SLCO1B1: variants seen among roughly 807,000 people sequenced by gnomAD.
SLCO1B1 encodes the protein solute carrier organic anion transporter family member 1B1.
SLCO1B1 carries 81 observed loss-of-function variants against 70.1 expected under a neutral mutation model. The observed-to-expected ratio is 1.16, with a 90% CI of 0.97 to 1.39. The LOEUF is 1.39. Among genes scored for constraint, SLCO1B1 ranks in the 40% most tolerant of loss-of-function variants. SLCO1B1 has a pLI of 0.00. For missense variants in SLCO1B1, 895 were observed against 799.6 expected (o/e 1.12, Z -1.44); for synonymous variants, 283 against 271.5 (o/e 1.04, Z -0.42).
At chr12:21,150,527 C>G (rs537459798) in intron 2 of SLCO1B1, among the ~76,000 whole-genome samples, 104 of 152,260 alleles carry the variant, frequency 6.8e-4, no homozygotes, top group African/African-American at 2.4e-3. Flanking sequence ...GTTCTGCAGC[C>G]ACTGCTGGTG....
chr12:21,162,868 C>G (rs1035393322), intron 2 of SLCO1B1, among the ~76,000 whole-genome samples: 2 of 152,048 alleles, frequency 1.3e-5, no homozygotes, highest in African/African-American at 4.8e-5. Context: ...CACATGATAA[C>G]AAGATTTATG....
intron 2 of SLCO1B1, among the ~76,000 whole-genome samples, chr12:21,157,891 T>C (rs750782507): frequency 1.8e-4 from 28 of 151,988 alleles, no homozygotes; most frequent in Non-Finnish European, 3.2e-4. Context: ...TGAGCCACCG[T>C]GCCCGGCCAA....
At position 21,239,123 on chromosome 12, in the gene SLCO1B1, A is replaced by G. The variant is rs768054107; in HGVS notation, c.2010A>G (p.Leu670=). The stretch of plus-strand genomic sequence containing the variant: ...GAAGTGTCATGGATGAAGCAAACTT[A>G]GAATCCTTAAATAAAAATAAACATT... ...ENGSVMDEAN[L]ESLNKNKHFV... is the part of the protein sequence containing the mutation. Residue 670 remains leucine (L), a synonymous_variant, in exon 15 of 15, where the codon TTA becomes TTG. Coordinates refer to ENST00000256958, the MANE Select transcript of SLCO1B1 (RefSeq NM_006446.5). 2 of 1,613,040 alleles carry G rather than the reference A, an allele frequency of 1.2e-6. No individual in the cohort carries two copies. Among genetic ancestry groups the G allele is most frequent in the Admixed American group, 1.7e-5 (1 of 59,986 alleles).
At chr12:21,205,371 C>A (rs1941203621) in intron 10 of SLCO1B1, among the ~76,000 whole-genome samples, 1 of 151,622 alleles carries the variant, frequency 6.6e-6, no homozygotes, top group African/African-American at 2.4e-5. Flanking sequence ...TGTAGAGGTT[C>A]TGCTTTAAGC....
intron 7 of SLCO1B1, among the ~76,000 whole-genome samples, chr12:21,182,538 G>A (rs1322046331): frequency 2.6e-5 from 4 of 152,054 alleles, no homozygotes; most frequent in Non-Finnish European, 2.9e-5. Context: ...CCTTCTGCCC[G>A]CCAGTCCCTC....
chr12:21,212,386 C>A (rs201172315), intron 11 of SLCO1B1, among the ~76,000 whole-genome samples: 15,277 of 113,160 alleles, frequency 0.14, 1,555 homozygotes, highest in African/African-American at 0.26. Context: ...GAGTGAGATT[C>A]TTAATCCTGA....
At chr12:21,227,756 G>GT (rs1189123292) in intron 14 of SLCO1B1, among the ~76,000 whole-genome samples, 5 of 151,940 alleles carry the variant, frequency 3.3e-5, no homozygotes, top group Non-Finnish European at 7.4e-5. Context: ...AAGTATTAAT[G>GT]TAACATTTTG....
At chr12:21,139,143 A>G (rs1024985650) in intron 1 of SLCO1B1, among the ~76,000 whole-genome samples, 7 of 152,236 alleles carry the variant, frequency 4.6e-5, no homozygotes, top group African/African-American at 1.4e-4. Context: ...CTAAAGGAAG[A>G]CTATCCACCT....
intron 12 of SLCO1B1, among the ~76,000 whole-genome samples, chr12:21,221,249 A>C (rs555359023): frequency 2.0e-4 from 31 of 152,306 alleles, no homozygotes; most frequent in African/African-American, 7.5e-4. Context: ...TGAGACCTGA[A>C]ACAAGACAAG....
intron 11 of SLCO1B1, among the ~76,000 whole-genome samples, chr12:21,207,290 T>C (rs1250809960): frequency 1.3e-5 from 2 of 151,948 alleles, no homozygotes; most frequent in East Asian, 1.9e-4. Context: ...TTGCTGTTTT[T>C]TATCTCTCCA....
At chr12:21,210,945 T>A (rs1941276223) in intron 11 of SLCO1B1, among the ~76,000 whole-genome samples, 1 of 152,212 alleles carries the variant, frequency 6.6e-6, no homozygotes, top group African/African-American at 2.4e-5. Context: ...GCTTATCAGT[T>A]TAAGGAGATT....
chr12:21,136,127 ATTCTT>A (rs1478222809), intron 1 of SLCO1B1, among the ~76,000 whole-genome samples: 1 of 152,138 alleles, frequency 6.6e-6, no homozygotes, highest in Non-Finnish European at 1.5e-5. Flanking sequence ...TGGGTTGAAA[ATTCTT>A]TTCTTTAAGA....
chr12:21,157,937 G>A (rs1591802755), intron 2 of SLCO1B1, among the ~76,000 whole-genome samples: 1 of 152,248 alleles, frequency 6.6e-6, no homozygotes, highest in East Asian at 1.9e-4. Flanking sequence ...CAGGGAAAAT[G>A]TAGTGGTAAT....
chr12:21,226,287 A>G (rs900532584), intron 14 of SLCO1B1, among the ~76,000 whole-genome samples: 1 of 151,854 alleles, frequency 6.6e-6, no homozygotes, highest in African/African-American at 2.4e-5. Flanking sequence ...GGTGGTGCAC[A>G]TCTGTAATTT....
intron 3 of SLCO1B1, among the ~76,000 whole-genome samples, chr12:21,173,765 T>C (rs1399287833): frequency 6.7e-6 from 1 of 148,494 alleles, no homozygotes; most frequent in Non-Finnish European, 1.5e-5. Context: ...TTAGAAGTGG[T>C]CATGACTTTT....
Position 21,148,063 on chromosome 12 carries a change from C to T in SLCO1B1, c.84+6405C>T, listed in dbSNP as rs530032631. On this transcript the variant is annotated intron_variant, in intron 2 of 14. Transcript: ENST00000256958. ...CACTTTTTGATGGCATTGTTTGTTT[C>T]TTTCTTGTAAATTTGTTTAAGTTCC... is the stretch of plus-strand genomic sequence containing the variant. Among the ~76,000 whole-genome samples the T allele has an allele frequency of 9.9e-5, 15 of 151,980 alleles. 1 individual carries two copies. The highest frequency in any genetic ancestry group is 3.3e-4 in the Admixed American group (5 of 15,252).
intron 14 of SLCO1B1, among the ~76,000 whole-genome samples, chr12:21,226,403 G>A (rs1207660267): frequency 6.7e-6 from 1 of 150,314 alleles, no homozygotes; most frequent in African/African-American, 2.4e-5. Flanking sequence ...GACAGAGCGA[G>A]ACTCTGTCTC....
At position 21,217,173 on chromosome 12, in the gene SLCO1B1, T is replaced by G; in HGVS notation, c.1552T>G (p.Ser518Ala). The G allele has an allele frequency of 6.2e-7, 1 of 1,613,800 alleles. No homozygotes were observed. The highest frequency in any genetic ancestry group is 8.5e-7 in the Non-Finnish European group (1 of 1,179,756). The change falls in exon 12 of 15, where the codon TCA becomes GCA. Residue 518 changes from serine (S) to alanine (A), a missense_variant. Ser to Ala is a moderately conservative substitution (Grantham distance 99). Coordinates refer to ENST00000256958, the MANE Select transcript of SLCO1B1 (RefSeq NM_006446.5). The part of the protein sequence containing the change: ...EVTGLQNRNY[S>A]AHLGECPRDD... ...AACTGGTCTCCAGAACAGAAATTAC[T>G]CAGCCCATTTGGGTGAATGCCCAAG...
At chr12:21,168,549 G>T (rs552589459) in intron 2 of SLCO1B1, among the ~76,000 whole-genome samples, 6 of 152,150 alleles carry the variant, frequency 3.9e-5, no homozygotes, top group Non-Finnish European at 8.8e-5. Context: ...TCTCTTACTC[G>T]TTATTTTCTA....
Sources: allele counts gnomAD v4.1 joint callset (sites outside exome capture counted in the v4.1 genomes callset), GRCh38; gene constraint gnomAD v4.1.1; transcripts MANE v1.5; gene names NCBI Gene and HGNC (gene_info 2026-07-23, HGNC 2026-07-21).